Variants in SPAG16 observed in about 807,000 individuals in gnomAD.
SPAG16 encodes the protein sperm associated antigen 16, also known as sperm-associated antigen 16 protein.
A neutral mutation model predicts 80.4 loss-of-function variants in SPAG16; 86 were observed. The ratio of observed to expected loss-of-function variants is 1.07; its 90% CI spans 0.90 to 1.28. SPAG16 has a LOEUF of 1.28. Ranked by LOEUF, SPAG16 falls within the 50% of genes most tolerant of loss-of-function variation. The pLI, the probability that SPAG16 is intolerant of heterozygous loss-of-function variation, is 0.00. For missense variants in SPAG16, 870 were observed against 765.3 expected (o/e 1.14, Z -1.61); for synonymous variants, 294 against 265.9 (o/e 1.11, Z -1.03).
chr2:213,422,535 A>G (rs762708202), intron 9 of SPAG16: 31 of 485,812 alleles, frequency 6.4e-5, no homozygotes, highest in Non-Finnish European at 8.2e-5. Context: ...CCGAGTGGGC[A>G]GAATGAGCCC....
chr2:213,846,494 A>G (rs1454940358), intron 10 of SPAG16, among the ~76,000 whole-genome samples: 1 of 152,062 alleles, frequency 6.6e-6, no homozygotes, highest in Non-Finnish European at 1.5e-5. Context: ...TGTGTGGTTC[A>G]AAACCAATAA....
intron 3 of SPAG16, 85 bp downstream of exon 3, chr2:213,297,442 C>T: frequency 1.4e-6 from 1 of 717,138 alleles, no homozygotes; most frequent in East Asian, 2.7e-5. Flanking sequence ...AATGTAAATA[C>T]TAGTGTAGCT....
intron 15 of SPAG16, among the ~76,000 whole-genome samples, chr2:214,171,441 G>A (rs111803365): frequency 6.6e-5 from 10 of 151,874 alleles, no homozygotes; most frequent in African/African-American, 2.4e-4. Context: ...ACAGATGCTA[G>A]CATATCAATA....
intron 14 of SPAG16, among the ~76,000 whole-genome samples, chr2:214,135,826 C>T (rs757644360): frequency 2.6e-5 from 4 of 151,944 alleles, no homozygotes; most frequent in African/African-American, 4.8e-5. Context: ...AAAGAAGCAG[C>T]CTGAAGCCCT....
At chr2:213,669,813 A>T (rs931370012) in intron 10 of SPAG16, among the ~76,000 whole-genome samples, 2 of 151,880 alleles carry the variant, frequency 1.3e-5, no homozygotes, top group Non-Finnish European at 2.9e-5. Flanking sequence ...ACCTGCTTCC[A>T]CTCGTAAATT....
intron 9 of SPAG16, among the ~76,000 whole-genome samples, chr2:213,420,422 T>C (rs2069515134): frequency 6.6e-6 from 1 of 152,174 alleles, no homozygotes; most frequent in East Asian, 1.9e-4. Context: ...AGAAAATGGG[T>C]TGCTACATGA....
chr2:213,625,006 G>T (rs192602155), intron 10 of SPAG16, among the ~76,000 whole-genome samples: 2 of 152,186 alleles, frequency 1.3e-5, no homozygotes, highest in African/African-American at 4.8e-5. Flanking sequence ...GGCCAGTCTG[G>T]TCTCAAACTC....
intron 10 of SPAG16, among the ~76,000 whole-genome samples, chr2:213,592,302 C>T (rs1249812635): frequency 6.6e-6 from 1 of 152,096 alleles, no homozygotes; most frequent in Non-Finnish European, 1.5e-5. Context: ...AAATAAATAT[C>T]TTTATGTCTC....
intron 10 of SPAG16, among the ~76,000 whole-genome samples, chr2:213,814,793 CAAT>C (rs111638731): frequency 0.92 from 138,346 of 150,316 alleles, 64,763 homozygotes; most frequent in East Asian, 1. Flanking sequence ...TGTCTCAAAA[CAAT>C]AATAATAATA....
chr2:213,407,651 GGA>G lies in SPAG16; in HGVS notation c.942+32542_942+32543del, dbSNP rs1172457158. On this transcript the variant is annotated intron_variant, in intron 9 of 15. Coordinates refer to ENST00000331683, the MANE Select transcript of SPAG16 (RefSeq NM_024532.5). ...AGAGAGAGAGAGAGACAGACAGACA[GGA>G]GAGAGAGAGGGGGAGAGAGACAGAG... 8.2e-5 allele frequency among the ~76,000 whole-genome samples: 11 copies of G among 133,800 alleles called. 1 individual carries two copies. Among genetic ancestry groups the G allele is most frequent in the East Asian group, 7.3e-4 (3 of 4,108 alleles). 87.8% of individuals were successfully genotyped at this position (133,800 alleles called of 152,430 possible). A position where few individuals can be genotyped will look rare whatever the true frequency, so the allele number is the denominator to read the frequency against.
intron 10 of SPAG16, among the ~76,000 whole-genome samples, chr2:213,768,269 T>C (rs1418522060): frequency 6.6e-6 from 1 of 152,148 alleles, no homozygotes; most frequent in Non-Finnish European, 1.5e-5. Flanking sequence ...AGGCAGGCTT[T>C]CTAAGCTATA....
At chr2:213,428,591 T>A (rs1419584253) in intron 9 of SPAG16, among the ~76,000 whole-genome samples, 2 of 152,138 alleles carry the variant, frequency 1.3e-5, no homozygotes, top group African/African-American at 4.8e-5. Context: ...TGGCATTTGC[T>A]CCAGCTGTGG....
intron 13 of SPAG16, among the ~76,000 whole-genome samples, chr2:214,061,544 GA>G: frequency 6.6e-6 from 1 of 152,298 alleles, no homozygotes; most frequent in East Asian, 1.9e-4. Flanking sequence ...TCTTGATGCA[GA>G]ATTTTCTCTT....
At chr2:213,788,605 A>G (rs553872190) in intron 10 of SPAG16, among the ~76,000 whole-genome samples, 1 of 152,064 alleles carries the variant, frequency 6.6e-6, no homozygotes, top group East Asian at 1.9e-4. Context: ...GGAGACTCAT[A>G]AATTCTTCCC....
At chr2:213,625,123 T>C (rs1210457416) in intron 10 of SPAG16, among the ~76,000 whole-genome samples, 1 of 152,102 alleles carries the variant, frequency 6.6e-6, no homozygotes, top group Non-Finnish European at 1.5e-5. Flanking sequence ...GGAGTGATAA[T>C]ACTATAAAAG....
At chr2:213,362,985 A>T (rs1363439089) in intron 7 of SPAG16, among the ~76,000 whole-genome samples, 1 of 152,156 alleles carries the variant, frequency 6.6e-6, no homozygotes, top group Non-Finnish European at 1.5e-5. Context: ...CAGTCTGAGA[A>T]ACTGTCTCAG....
At chr2:214,149,427 A>G (rs2055865603) in intron 15 of SPAG16, among the ~76,000 whole-genome samples, 161 bp downstream of exon 15, 1 of 152,056 alleles carries the variant, frequency 6.6e-6, no homozygotes, top group African/African-American at 2.4e-5. Context: ...ATCATTACGT[A>G]TAGCATGTCA....
intron 10 of SPAG16, among the ~76,000 whole-genome samples, chr2:213,626,642 T>G (rs185275835): frequency 0.13 from 6,521 of 48,446 alleles, 521 homozygotes; most frequent in African/African-American, 0.43. Context: ...TCGGGCTCAA[T>G]TTTTTTTTTT....
intron 12 of SPAG16, among the ~76,000 whole-genome samples, chr2:213,937,412 A>G (rs114259171): frequency 1.6e-3 from 249 of 152,206 alleles, no homozygotes; most frequent in African/African-American, 5.7e-3. Flanking sequence ...AATGCTTAAA[A>G]TATAATTATG....
Sources: allele counts gnomAD v4.1 joint callset (sites outside exome capture counted in the v4.1 genomes callset), GRCh38; gene constraint gnomAD v4.1.1; transcripts MANE v1.5; gene names NCBI Gene and HGNC (gene_info 2026-07-23, HGNC 2026-07-21).